METTL25: variants seen among roughly 807,000 people sequenced by gnomAD.
METTL25 encodes probable methyltransferase-like protein 25.
METTL25 carries 64 observed loss-of-function variants against 71.6 expected under a neutral mutation model. The observed-to-expected ratio is 0.89, with a 90% CI of 0.73 to 1.10. The LOEUF (loss-of-function observed/expected upper bound fraction) is 1.10. Ranked by LOEUF, METTL25 falls within the 50% of genes least tolerant of loss-of-function variation. The pLI, the probability that METTL25 is intolerant of heterozygous loss-of-function variation, is 0.00. For synonymous variants in METTL25, 287 were observed against 250.3 expected (o/e 1.15, Z -1.38); for missense variants, 807 against 707.0 (o/e 1.14, Z -1.60).
intron 1 of METTL25, among the ~76,000 whole-genome samples, chr12:82,386,446 C>T (rs866722844): frequency 2.4e-5 from 3 of 127,508 alleles, no homozygotes; most frequent in African/African-American, 5.7e-5. Context: ...TCCCTCCCTC[C>T]CTCCCTCCCT....
At chr12:82,411,828 T>C (rs1403705463) in intron 5 of METTL25, among the ~76,000 whole-genome samples, 2 of 152,068 alleles carry the variant, frequency 1.3e-5, no homozygotes, top group African/African-American at 4.8e-5. Flanking sequence ...GTCAGATTCT[T>C]TTGTGATTAT....
chr12:82,432,038 A>G (rs149073618), intron 6 of METTL25, among the ~76,000 whole-genome samples: 21 of 151,870 alleles, frequency 1.4e-4, no homozygotes, highest in African/African-American at 4.3e-4. Flanking sequence ...AACTGTCTAT[A>G]TATATATAAA....
chr12:82,365,820 C>G (rs1042245960), intron 1 of METTL25, among the ~76,000 whole-genome samples: 2 of 151,520 alleles, frequency 1.3e-5, no homozygotes, highest in South Asian at 2.1e-4. Context: ...CGGTGGCTCA[C>G]GCCTGCAATC....
intron 11 of METTL25, among the ~76,000 whole-genome samples, chr12:82,477,852 G>A (rs1426834479): frequency 1.3e-5 from 2 of 151,564 alleles, no homozygotes; most frequent in Non-Finnish European, 3.0e-5. Context: ...TGTCTTTAAG[G>A]AAAATATTTT....
rs545843179 is a variant in METTL25 at position 82,445,340 on chromosome 12, G to A, written c.1478+6549G>A. 5.9e-5 allele frequency among the ~76,000 whole-genome samples: 9 copies of A among 152,092 alleles called. No individual in the cohort carries two copies. The South Asian group carries it at 1.9e-3, about 32-fold the overall frequency. On this transcript the variant is annotated intron_variant, in intron 8 of 11. Coordinates refer to ENST00000248306, the MANE Select transcript of METTL25 (RefSeq NM_032230.3). ...TGCACACAAACACAGACAATATGTG[G>A]CACTATTCACAGTCAAGAGAAATGT...
At chr12:82,471,042 A>T (rs1159865328) in intron 9 of METTL25, among the ~76,000 whole-genome samples, 3 of 152,204 alleles carry the variant, frequency 2.0e-5, no homozygotes, top group Non-Finnish European at 4.4e-5. Context: ...ACTGTTCTGC[A>T]GAGGTCTAAG....
At chr12:82,421,644 A>G (rs1029456985) in intron 5 of METTL25, among the ~76,000 whole-genome samples, 1 of 152,116 alleles carries the variant, frequency 6.6e-6, no homozygotes, top group African/African-American at 2.4e-5. Context: ...TTGATAGACC[A>G]CTAGCAAGAC....
At chr12:82,464,314 T>G (rs1351385404) in intron 9 of METTL25, among the ~76,000 whole-genome samples, 1 of 151,944 alleles carries the variant, frequency 6.6e-6, no homozygotes, top group Non-Finnish European at 1.5e-5. Context: ...GTGTCTAGTT[T>G]AATTCCTCAG....
At chr12:82,388,740 A>T (rs913541471) in intron 2 of METTL25, 2 of 152,144 alleles carry the variant, frequency 1.3e-5, no homozygotes, top group African/African-American at 4.8e-5. Context: ...CATGCTGGTG[A>T]TAAGTGAGAG....
intron 9 of METTL25, among the ~76,000 whole-genome samples, chr12:82,457,457 G>T (rs1212734672): frequency 9.9e-5 from 15 of 151,938 alleles, no homozygotes; most frequent in Admixed American, 6.6e-5. Context: ...TCAAAGGAAT[G>T]AAATAGATTT....
At chr12:82,391,538 A>ATGTG (rs1220499772) in intron 3 of METTL25, among the ~76,000 whole-genome samples, 43 of 11,784 alleles carry the variant, frequency 3.6e-3, no homozygotes, top group African/African-American at 0.012. Context: ...TTTTGTTAGT[A>ATGTG]TATGTGTGTG....
At chr12:82,465,994 T>TG (rs369515743) in intron 9 of METTL25, among the ~76,000 whole-genome samples, 2 of 150,876 alleles carry the variant, frequency 1.3e-5, no homozygotes. Context: ...CTTGCCTGTT[T>TG]TTTTTTTTTT....
chr12:82,429,760 C>A (rs1028520115), intron 5 of METTL25, among the ~76,000 whole-genome samples: 2 of 151,562 alleles, frequency 1.3e-5, no homozygotes, highest in Admixed American at 1.3e-4. Flanking sequence ...GATCCTTTGG[C>A]TACATTTTAA....
intron 8 of METTL25, among the ~76,000 whole-genome samples, chr12:82,450,044 A>G (rs1891029850): frequency 6.6e-6 from 1 of 152,002 alleles, no homozygotes; most frequent in Non-Finnish European, 1.5e-5. Flanking sequence ...ATTGCACCCA[A>G]TTTTCCACTC....
intron 4 of METTL25, among the ~76,000 whole-genome samples, chr12:82,400,282 A>C (rs1592654947): frequency 6.6e-6 from 1 of 152,142 alleles, no homozygotes; most frequent in Admixed American, 6.5e-5. Flanking sequence ...CAGTGAGCCA[A>C]GATCGCACCA....
At chr12:82,424,502 T>C (rs1888825623) in intron 5 of METTL25, among the ~76,000 whole-genome samples, 1 of 151,572 alleles carries the variant, frequency 6.6e-6, no homozygotes, top group Non-Finnish European at 1.5e-5. Flanking sequence ...AACCTGCACA[T>C]TGTGCACATG....
chr12:82,452,041 A>T (rs1891182382), intron 8 of METTL25, among the ~76,000 whole-genome samples: 1 of 152,074 alleles, frequency 6.6e-6, no homozygotes, highest in South Asian at 2.1e-4. Context: ...AGACTGAGCT[A>T]TTGTTACATT....
intron 1 of METTL25, among the ~76,000 whole-genome samples, chr12:82,373,801 C>T (rs1390756629): frequency 1.3e-5 from 2 of 152,160 alleles, no homozygotes; most frequent in Non-Finnish European, 2.9e-5. Context: ...TCCAAAGAGC[C>T]AGGGGTTGTT....
At chr12:82,447,269 G>A (rs1486583720) in intron 8 of METTL25, among the ~76,000 whole-genome samples, 1 of 152,008 alleles carries the variant, frequency 6.6e-6, no homozygotes, top group African/African-American at 2.4e-5. Context: ...AGTCTTACAT[G>A]TTTGCTTCTA....
Sources: allele counts gnomAD v4.1 joint callset (sites outside exome capture counted in the v4.1 genomes callset), GRCh38; gene constraint gnomAD v4.1.1; transcripts MANE v1.5; gene names NCBI Gene and HGNC (gene_info 2026-07-23, HGNC 2026-07-21).